EDIL3: variants seen among roughly 807,000 people sequenced by gnomAD.
EDIL3 encodes the protein EGF-like repeat and discoidin I-like domain-containing protein 3.
In EDIL3, 37 loss-of-function variants were observed where a neutral mutation model predicts 67.4. The ratio of observed to expected loss-of-function variants is 0.55; its 90% CI spans 0.42 to 0.72. The LOEUF is 0.72. Among genes scored for constraint, EDIL3 ranks in the 30% least tolerant of loss-of-function variants. The probability of loss-of-function intolerance (pLI) is 0.00; values close to 1 mark genes in which losing one functional copy is unlikely to be tolerated. For missense variants in EDIL3, 527 were observed against 586.3 expected (o/e 0.90, Z 1.04); for synonymous variants, 195 against 196.3 (o/e 0.99, Z 0.05).
intron 6 of EDIL3, among the ~76,000 whole-genome samples, chr5:84,089,811 T>G (rs903033206): frequency 6.6e-6 from 1 of 152,220 alleles, no homozygotes; most frequent in African/African-American, 2.4e-5. Context: ...TCCGTTGAGC[T>G]TTCTCCATCC....
At chr5:84,139,990 G>A (rs1457593368) in intron 4 of EDIL3, among the ~76,000 whole-genome samples, 2 of 152,130 alleles carry the variant, frequency 1.3e-5, no homozygotes, top group Admixed American at 1.3e-4. Flanking sequence ...TGTAGATAGG[G>A]AACAGATTAT....
At chr5:84,197,110 T>C (rs1265727243) in intron 3 of EDIL3, 1 of 152,020 alleles carries the variant, frequency 6.6e-6, no homozygotes, top group East Asian at 1.9e-4. Flanking sequence ...ATTAAGTACA[T>C]GCCATGTGTG....
chr5:84,371,450 TAGAGAGAGAGAGAG>T (rs142715442), intron 1 of EDIL3, among the ~76,000 whole-genome samples: 1 of 103,988 alleles, frequency 9.6e-6, no homozygotes, highest in Non-Finnish European at 2.1e-5. Flanking sequence ...TATATATATA[TAGAGAGAGAGAGAG>T]AGAGAGAGAG....
intron 9 of EDIL3, among the ~76,000 whole-genome samples, chr5:84,011,248 C>A (rs1238852259): frequency 6.6e-6 from 1 of 152,140 alleles, no homozygotes; most frequent in Admixed American, 6.5e-5. Flanking sequence ...TTTCTCTAAT[C>A]TTCTGTATCT....
intron 1 of EDIL3, among the ~76,000 whole-genome samples, chr5:84,371,345 G>T (rs1022403601): frequency 1.0e-5 from 1 of 97,226 alleles, no homozygotes; most frequent in Non-Finnish European, 2.5e-5. Context: ...ATATATATGT[G>T]TGTGTGTATA....
At chr5:84,332,128 A>G (rs922667374) in intron 1 of EDIL3, among the ~76,000 whole-genome samples, 20 of 152,004 alleles carry the variant, frequency 1.3e-4, no homozygotes, top group African/African-American at 4.6e-4. Context: ...CAACCCTTTG[A>G]GAGTCCAAGG....
chr5:84,125,859 A>C (rs1287324121), intron 5 of EDIL3, among the ~76,000 whole-genome samples: 1 of 151,630 alleles, frequency 6.6e-6, no homozygotes, highest in Non-Finnish European at 1.5e-5. Flanking sequence ...GGAGACTGAA[A>C]AGGTTCGGTT....
chr5:84,286,789 C>T (rs948752109), intron 1 of EDIL3, among the ~76,000 whole-genome samples: 4 of 152,112 alleles, frequency 2.6e-5, no homozygotes, highest in African/African-American at 9.7e-5. Context: ...CTCTGCACCT[C>T]AGGTTGGAAT....
chr5:83,978,162 G>A (rs1744906405), intron 9 of EDIL3, among the ~76,000 whole-genome samples: 1 of 151,936 alleles, frequency 6.6e-6, no homozygotes, highest in African/African-American at 2.4e-5. Flanking sequence ...AGCAAGGTTA[G>A]TTGATACAAG....
At chr5:84,065,659 T>A (rs1580308510) in intron 7 of EDIL3, among the ~76,000 whole-genome samples, 1 of 152,226 alleles carries the variant, frequency 6.6e-6, no homozygotes, top group Non-Finnish European at 1.5e-5. Context: ...GAAAAGGAAG[T>A]ATTGAATATA....
At chr5:84,137,534 T>C (rs2112316200) in intron 4 of EDIL3, among the ~76,000 whole-genome samples, 180 bp from the exon 5 acceptor site, 1 of 152,308 alleles carries the variant, frequency 6.6e-6, no homozygotes. Context: ...TTAATAACCA[T>C]TATATTTAAT....
chr5:84,137,180 T>C (rs1748106563), intron 5 of EDIL3, 61 bp downstream of exon 5: 2 of 896,420 alleles, frequency 2.2e-6, no homozygotes, highest in Middle Eastern at 2.3e-4. Flanking sequence ...TGTGTGTGTA[T>C]ACATACACAC....
chr5:84,081,338 T>A (rs1223726397), intron 6 of EDIL3, among the ~76,000 whole-genome samples: 1 of 152,174 alleles, frequency 6.6e-6, no homozygotes, highest in Non-Finnish European at 1.5e-5. Context: ...AGCTTGTATA[T>A]CAAGTTTGAT....
chr5:83,942,394 A>T lies in EDIL3; in HGVS notation c.*1025T>A, dbSNP rs1486180392. The T allele has an allele frequency of 9.9e-5, 15 of 152,104 alleles. No individual in the cohort carries two copies. Among genetic ancestry groups the T allele is most frequent in the Admixed American group, 9.8e-4 (15 of 15,248 alleles). The allele number at this position is 152,104 out of a possible 1,614,324, so 9.4% of individuals were successfully genotyped here. On this transcript the variant is annotated 3_prime_UTR_variant, in exon 11 of 11. Transcript: ENST00000296591. The stretch of plus-strand genomic sequence containing the variant: ...TCACAGGAAATGTGGAGCTGAACAA[A>T]GAAATGATGAGTATGCTTGGCCAAA...
chr5:84,026,334 A>G (rs1158889881), intron 9 of EDIL3, among the ~76,000 whole-genome samples: 1 of 152,200 alleles, frequency 6.6e-6, no homozygotes, highest in African/African-American at 2.4e-5. Context: ...CATTTTCTGA[A>G]GCAAATAGCA....
At chr5:84,147,176 T>A (rs986240615) in intron 4 of EDIL3, among the ~76,000 whole-genome samples, 23 of 151,994 alleles carry the variant, frequency 1.5e-4, no homozygotes, top group Admixed American at 1.5e-3. Flanking sequence ...AAAAAAAAAA[T>A]TCTGTATGTG....
intron 9 of EDIL3, among the ~76,000 whole-genome samples, chr5:83,980,095 C>G (rs1368744376): frequency 1.3e-5 from 2 of 152,156 alleles, no homozygotes; most frequent in Non-Finnish European, 2.9e-5. Context: ...AGACTCTGAG[C>G]AACTCAGCAC....
intron 2 of EDIL3, among the ~76,000 whole-genome samples, chr5:84,235,020 AG>A (rs1247649582): frequency 6.6e-6 from 1 of 152,170 alleles, no homozygotes; most frequent in African/African-American, 2.4e-5. Context: ...CTAAAATTAG[AG>A]TAAACTATTA....
At chr5:84,193,323 A>T (rs1376948841) in intron 3 of EDIL3, among the ~76,000 whole-genome samples, 3 of 151,928 alleles carry the variant, frequency 2.0e-5, no homozygotes, top group African/African-American at 7.2e-5. Context: ...GACAGATTGG[A>T]CAGAGAAGGG....
Sources: allele counts gnomAD v4.1 joint callset (sites outside exome capture counted in the v4.1 genomes callset), GRCh38; gene constraint gnomAD v4.1.1; transcripts MANE v1.5; gene names NCBI Gene and HGNC (gene_info 2026-07-23, HGNC 2026-07-21).